Variants in CDH26 observed in about 807,000 individuals in gnomAD.
CDH26 encodes the protein cadherin-like protein 26.
In CDH26, 83 loss-of-function variants were observed where a neutral mutation model predicts 90.3. That is an observed-to-expected ratio of 0.92 (90% confidence interval 0.77 to 1.10). The LOEUF is 1.10. Among genes scored for constraint, CDH26 ranks in the 50% least tolerant of loss-of-function variants. CDH26 has a pLI of 0.00. For missense variants in CDH26, 1,013 were observed against 1,037.6 expected, an observed-to-expected ratio of 0.98 and a Z score of 0.33; for synonymous variants, 397 against 396.3, an observed-to-expected ratio of 1.00 and a Z score of -0.02.
chr20:60,021,859 C>CACACACACACACACACAT (rs2061955097), intron 7 of CDH26, among the ~76,000 whole-genome samples: 1 of 68,184 alleles, frequency 1.5e-5, no homozygotes, highest in Non-Finnish European at 3.5e-5. Flanking sequence ...TACACACACA[C>CACACACACACACACACAT]ACACACACAC....
chr20:60,033,894 C>A (rs1338788559), exon 9 of CDH26: 2 of 508,760 alleles, frequency 3.9e-6, no homozygotes, highest in East Asian at 9.9e-5. Flanking sequence ...TGTTTCTCAC[C>A]ACTGGCCTGG....
Position 59,958,588 on chromosome 20 carries a change from G to A in CDH26, c.-139G>A, listed in dbSNP as rs541136368. On this transcript the variant is annotated 5_prime_UTR_variant, in exon 1 of 18. Coordinates refer to ENST00000348616, the MANE Select transcript of CDH26 (RefSeq NM_177980.4). ...AAGGGAGGAGCAAGATGGGATGAAA[G>A]CATCTGGGCCAAAGTGACCTGAAAA... The A allele has an allele frequency of 1.4e-6, 1 of 739,404 alleles. No individual in the cohort carries two copies. Among genetic ancestry groups the A allele is most frequent in the Admixed American group, 2.2e-5 (1 of 45,502 alleles). The allele number at this position is 739,404 out of a possible 1,614,324, so 45.8% of individuals were successfully genotyped here. A position where few individuals can be genotyped will look rare whatever the true frequency, so the allele number is the denominator to read the frequency against.
At chr20:59,994,612 C>A in intron 11 of CDH26, 123 bp downstream of exon 11, 1 of 1,259,194 alleles carries the variant, frequency 7.9e-7, no homozygotes, top group Non-Finnish European at 1.1e-6. Context: ...TCTGGCAGAG[C>A]TGGCTCTAGG....
intron 13 of CDH26, among the ~76,000 whole-genome samples, chr20:59,998,015 C>G (rs2061622187): frequency 6.6e-6 from 1 of 152,230 alleles, no homozygotes; most frequent in Non-Finnish European, 1.5e-5. Context: ...GAAACAGGAG[C>G]AAGATCCAAA....
In CDH26 at chr20:59,987,535, C is replaced by G; in HGVS notation, c.920C>G (p.Ser307Ter). ...CAAGATCGAGATTCTCCATTTACAT[C>G]AGCTTGGAGAGCAAAATTCAACATA... Reference protein sequence around the residue: ...LVQDRDSPFTSAWRAKFNILH... With the variant: ...LVQDRDSPFT Residue 307 changes from serine (S) to a stop codon, truncating the protein, a stop_gained, in exon 8 of 18, where the codon TCA (serine) becomes TGA (stop). Transcript: ENST00000348616. LOFTEE classifies it high-confidence loss of function. 11 of 1,614,000 alleles carry G rather than the reference C, an allele frequency of 6.8e-6. No individual in the cohort carries two copies. The highest frequency in any genetic ancestry group is 9.3e-6 in the Non-Finnish European group (11 of 1,179,942).
chr20:59,994,442 A>G lies in CDH26; in HGVS notation c.1619A>G (p.Asn540Ser). 6.2e-6 allele frequency: 10 copies of G among 1,614,208 alleles called. No homozygotes were observed. The highest frequency in any genetic ancestry group is 6.8e-6 in the Non-Finnish European group (8 of 1,180,034). The change falls in exon 11 of 18, where the codon AAT becomes AGT. Residue 540 changes from asparagine to serine, a missense_variant. Physicochemically the swap from Asn to Ser is conservative, Grantham distance 46. Transcript: ENST00000348616. ...GACCCATTTACATTTGAATTGGACA[A>G]TACCTGGGGAAATGCGGAGGACACA... ...FSDPFTFELD[N>S]TWGNAEDTWK...
intron 4 of CDH26, among the ~76,000 whole-genome samples, chr20:59,978,581 C>A (rs993166478): frequency 3.9e-5 from 6 of 151,998 alleles, no homozygotes; most frequent in Non-Finnish European, 8.8e-5. Context: ...ACTACGTTGG[C>A]CAGGCTGGTC....
At chr20:60,021,897 C>CATATATATATATATATATATATAT (rs71228705) in intron 7 of CDH26, among the ~76,000 whole-genome samples, 1 of 78,934 alleles carries the variant, frequency 1.3e-5, no homozygotes, top group African/African-American at 4.0e-5. Flanking sequence ...CACACACACA[C>CATATATATATATATATATATATAT]ATATATATAT....
In CDH26 at chr20:59,987,491, C is replaced by A. The variant is rs146755298; in HGVS notation, c.876C>A (p.Gly292=). 1.9e-6 allele frequency: 3 copies of A among 1,613,304 alleles called. No homozygotes were observed. The highest frequency in any genetic ancestry group is 1.7e-5 in the Admixed American group (1 of 59,862). The change falls in exon 8 of 18, where the codon GGC becomes GGA. Residue 292 remains glycine, a synonymous_variant. Transcript: ENST00000348616. ...TTCCTGAAGGCCGAGCCAGCCAGGG[C>A]GTGTTGCGTCTCCTGGTTCAAGATC... ...VQIPEGRASQ[G]VLRLLVQDRD...
chr20:59,967,261 A>G (rs924960501), intron 1 of CDH26, among the ~76,000 whole-genome samples: 2 of 152,230 alleles, frequency 1.3e-5, no homozygotes, highest in African/African-American at 2.4e-5. Flanking sequence ...CGAAGCAAAT[A>G]GGGTAAAAGT....
In CDH26 at chr20:60,013,576, T is replaced by C. The variant is rs1023051163; in HGVS notation, c.*846T>C. On this transcript the variant is annotated 3_prime_UTR_variant, in exon 18 of 18. Transcript: ENST00000348616. The stretch of plus-strand genomic sequence containing the variant: ...CTAGTCTGAGTAATAGATAAGAGAC[T>C]GACTAAGCAAAGTTTAAAATGCTAT... The C allele has an allele frequency of 1.8e-4, 28 of 152,226 alleles. No individual in the cohort carries two copies. Among genetic ancestry groups the C allele is most frequent in the African/African-American group, 6.0e-4 (25 of 41,464 alleles). 9.4% of individuals were successfully genotyped at this position (152,226 alleles called of 1,614,324 possible).
chr20:59,969,965 G>A, intron 2 of CDH26, 117 bp from the exon 3 acceptor site: 2 of 1,434,546 alleles, frequency 1.4e-6, no homozygotes, highest in Non-Finnish European at 9.2e-7. Context: ...TTCTGGCGAT[G>A]AGAGAATGCA....
chr20:59,999,565 T>G (rs1213261746), intron 13 of CDH26, 21 bp from the exon 14 acceptor site: 1 of 1,604,910 alleles, frequency 6.2e-7, no homozygotes, highest in Non-Finnish European at 8.5e-7. Flanking sequence ...CTTGTCATAT[T>G]TCTTTCTCTG....
chr20:59,992,601 A>G lies in CDH26; in HGVS notation c.1426+81A>G. On this transcript the variant is annotated intron_variant, in intron 10 of 17. Transcript: ENST00000348616. This position sits in a 1 kb window ranked among gnomAD's most constrained non-coding sequence, Gnocchi z 5.0. ...AAAATAACCCTGGTGAGCGTCTTTC[A>G]GCACAGCAGAGAAAAGGATAAAATA... The G allele has an allele frequency of 1.5e-6, 2 of 1,370,040 alleles. No homozygotes were observed. The highest frequency in any genetic ancestry group is 2.1e-6 in the Non-Finnish European group (2 of 966,088). The allele number at this position is 1,370,040 out of a possible 1,614,324, so 84.9% of individuals were successfully genotyped here. A position where few individuals can be genotyped will look rare whatever the true frequency, so the allele number is the denominator to read the frequency against.
At position 59,972,074 on chromosome 20, in the gene CDH26, G is replaced by A; in HGVS notation, c.344G>A (p.Arg115Lys). 6.2e-7 allele frequency: 1 copy of A among 1,614,124 alleles called. No individual in the cohort carries two copies. The highest frequency in any genetic ancestry group is 1.7e-5 in the Admixed American group (1 of 60,020). Reference protein sequence around the residue: ...LFSLEDHENGRIYVHRPVDRE... With the variant: ...LFSLEDHENGKIYVHRPVDRE... ...TCTCTAGAAGATCATGAGAACGGAA[G>A]GATATATGTTCACCGCCCTGTCGAT... The change falls in exon 4 of 18, where the codon AGG (arginine) becomes AAG (lysine). Residue 115 changes from arginine (R) to lysine (K), a missense_variant. Coordinates refer to ENST00000348616, the MANE Select transcript of CDH26 (RefSeq NM_177980.4).
chr20:59,981,564 G>A (rs2061395351), intron 4 of CDH26, among the ~76,000 whole-genome samples: 2 of 152,096 alleles, frequency 1.3e-5, no homozygotes, highest in Non-Finnish European at 2.9e-5. Flanking sequence ...TGACATTGCT[G>A]AAATTGATTT....
In CDH26 at chr20:59,959,865, C is replaced by T. The variant is rs139862169; in HGVS notation, c.69+1070C>T. Among the ~76,000 whole-genome samples, 527 of 152,300 alleles carry T rather than the reference C, an allele frequency of 3.5e-3. 2 individuals carry two copies. The Middle Eastern group carries it at 0.037, about 11-fold the overall frequency. ...AATACAAACTAGTGGAGTCAGGATT[C>T]GAAACACATGGGCTTGCTCTGTTTG... On this transcript the variant is annotated intron_variant, in intron 1 of 17. Transcript: ENST00000348616.
At chr20:60,007,017 G>A (rs894700941) in intron 17 of CDH26, among the ~76,000 whole-genome samples, 4 of 152,206 alleles carry the variant, frequency 2.6e-5, no homozygotes, top group African/African-American at 9.6e-5. Context: ...GGGTTCTGGT[G>A]AGAGCTCTCT....
chr20:60,012,747 T>C lies in CDH26; in HGVS notation c.*17T>C, dbSNP rs1161985159. The stretch of plus-strand genomic sequence containing the variant: ...CCTTCCTAAAAAAAAAAGTCTATTT[T>C]GGAGAATTGAAATAATTCATGGAAG... On this transcript the variant is annotated 3_prime_UTR_variant, in exon 18 of 18. Coordinates refer to ENST00000348616, the MANE Select transcript of CDH26 (RefSeq NM_177980.4). 3 of 1,607,406 alleles carry C rather than the reference T, an allele frequency of 1.9e-6. No individual in the cohort carries two copies. The highest frequency in any genetic ancestry group is 2.6e-6 in the Non-Finnish European group (3 of 1,175,120).
Sources: gnomAD v4.1 joint callset for allele counts (sites outside exome capture counted in the v4.1 genomes callset) on GRCh38, gnomAD v4.1.1 for gene constraint, Gnocchi (gnomAD v3.1) non-coding constraint, MANE v1.5 for transcripts, NCBI Gene and HGNC (gene_info 2026-07-23, HGNC 2026-07-21) for gene names.